Variants in STXBP5L observed in about 807,000 individuals in gnomAD.
STXBP5L encodes the protein syntaxin-binding protein 5-like.
A neutral mutation model predicts 144.5 loss-of-function variants in STXBP5L; 65 were observed. That is an observed-to-expected ratio of 0.45 (90% confidence interval 0.37 to 0.55). The LOEUF is 0.55. STXBP5L is among the 20% of genes least tolerant of loss of function. The pLI, the probability that STXBP5L is intolerant of heterozygous loss-of-function variation, is 0.00. For missense variants in STXBP5L, 1,298 were observed against 1,405.5 expected, an observed-to-expected ratio of 0.92 and a Z score of 1.22; for synonymous variants, 505 against 469.6, an observed-to-expected ratio of 1.08 and a Z score of -0.97.
intron 3 of STXBP5L, among the ~76,000 whole-genome samples, chr3:120,995,315 T>G (rs1294185677): frequency 1.3e-5 from 2 of 152,038 alleles, no homozygotes; most frequent in African/African-American, 4.8e-5. Context: ...GCCTGGCTAA[T>G]TTTTTTATTT....
Position 121,359,963 on chromosome 3 carries a change from T to C in STXBP5L, c.2177-18753T>C, listed in dbSNP as rs546242684. On this transcript the variant is annotated intron_variant, in intron 20 of 26. Transcript: ENST00000471454. The stretch of plus-strand genomic sequence containing the variant: ...TTGACTATTCTGAGTCTTTTGTGGT[T>C]ATACATATATAATATAATATATATA... 2.0e-5 allele frequency among the ~76,000 whole-genome samples: 3 copies of C among 147,070 alleles called. No individual in the cohort carries two copies. In the Admixed American group the frequency reaches 2.1e-4, roughly 10 times the overall value.
intron 5 of STXBP5L, among the ~76,000 whole-genome samples, chr3:121,084,018 C>A (rs2042374472): frequency 6.6e-6 from 1 of 151,832 alleles, no homozygotes; most frequent in Admixed American, 6.6e-5. Flanking sequence ...TTTTATGTAA[C>A]TTTTCAAGGA....
In STXBP5L at chr3:121,235,000, A is replaced by ATT. The variant is rs1182141083; in HGVS notation, c.1184+1313_1184+1314insTT. Among the ~76,000 whole-genome samples, 7 of 151,090 alleles carry ATT rather than the reference A, an allele frequency of 4.6e-5. No individual in the cohort carries two copies. In the South Asian group the frequency reaches 8.4e-4, roughly 18 times the overall value. ...CCCACTTTCTTCAGTATATATATATATATTTTTTTATTTAAATTTTGTTTT... is the reference window on the plus strand; with the variant it reads ...CCCACTTTCTTCAGTATATATATATATTTATTTTTTTATTTAAATTTTGTTTT... On this transcript the variant is annotated intron_variant, in intron 12 of 26. Transcript: ENST00000471454.
At chr3:120,986,632 C>T (rs141949515) in intron 3 of STXBP5L, among the ~76,000 whole-genome samples, 2 of 151,894 alleles carry the variant, frequency 1.3e-5, no homozygotes, top group African/African-American at 4.8e-5. Context: ...ATTTAAAGTA[C>T]ATTTTGTCTA....
At chr3:121,266,273 A>G (rs914973903) in intron 18 of STXBP5L, among the ~76,000 whole-genome samples, 1 of 152,214 alleles carries the variant, frequency 6.6e-6, no homozygotes, top group Non-Finnish European at 1.5e-5. Flanking sequence ...CAAAAAGCTT[A>G]TCCACCACGA....
chr3:121,148,054 G>C (rs1005174367), intron 7 of STXBP5L, among the ~76,000 whole-genome samples: 1 of 151,960 alleles, frequency 6.6e-6, no homozygotes, highest in Non-Finnish European at 1.5e-5. Flanking sequence ...CTTGGGACTT[G>C]TCAGCCTTCA....
chr3:121,085,092 A>G (rs1047034171), intron 5 of STXBP5L, among the ~76,000 whole-genome samples: 18 of 152,084 alleles, frequency 1.2e-4, no homozygotes, highest in South Asian at 4.2e-4. Flanking sequence ...ATTTGTTTAC[A>G]TTCCTTATAG....
intron 20 of STXBP5L, among the ~76,000 whole-genome samples, chr3:121,351,839 C>A (rs970078093): frequency 6.6e-6 from 1 of 152,146 alleles, no homozygotes. Flanking sequence ...AGTCTTTAAT[C>A]TATCTTGAAT....
At chr3:121,382,503 G>C (rs1035491332) in intron 22 of STXBP5L, among the ~76,000 whole-genome samples, 1 of 152,002 alleles carries the variant, frequency 6.6e-6, no homozygotes, top group African/African-American at 2.4e-5. Flanking sequence ...TGGTGAGTTA[G>C]TTGGAGTCAA....
chr3:121,205,232 A>C (rs2048292498), intron 9 of STXBP5L, among the ~76,000 whole-genome samples: 1 of 152,198 alleles, frequency 6.6e-6, no homozygotes, highest in Non-Finnish European at 1.5e-5. Context: ...TATTTGGCTT[A>C]TGATTCTGGA....
At chr3:121,025,101 T>C (rs1318113712) in intron 3 of STXBP5L, among the ~76,000 whole-genome samples, 2 of 152,156 alleles carry the variant, frequency 1.3e-5, no homozygotes, top group Non-Finnish European at 2.9e-5. Flanking sequence ...TTATGACTCT[T>C]AGGTAACCAC....
chr3:121,349,290 C>A (rs13087300), intron 20 of STXBP5L, among the ~76,000 whole-genome samples: 72,169 of 151,758 alleles, frequency 0.48, 17,740 homozygotes, highest in East Asian at 0.71. Context: ...CTTAATCCTG[C>A]GTTCTAGTTT....
intron 19 of STXBP5L, among the ~76,000 whole-genome samples, chr3:121,309,150 C>T (rs567509117): frequency 6.6e-6 from 1 of 151,904 alleles, no homozygotes; most frequent in East Asian, 1.9e-4. Context: ...TGTAACCCAA[C>T]TATATCAATA....
chr3:120,958,723 C>G (rs890247571), intron 3 of STXBP5L, among the ~76,000 whole-genome samples: 1 of 152,154 alleles, frequency 6.6e-6, no homozygotes, highest in African/African-American at 2.4e-5. Flanking sequence ...GCTAAAAACT[C>G]TCAATAAATT....
At chr3:121,193,639 G>A (rs1484047937) in intron 9 of STXBP5L, among the ~76,000 whole-genome samples, 1 of 152,176 alleles carries the variant, frequency 6.6e-6, no homozygotes, top group African/African-American at 2.4e-5. Flanking sequence ...ATACTATGCA[G>A]CCATAAAAAA....
chr3:121,109,309 C>T (rs377453282), intron 5 of STXBP5L, among the ~76,000 whole-genome samples: 1 of 150,698 alleles, frequency 6.6e-6, no homozygotes, highest in African/African-American at 2.4e-5. Flanking sequence ...GTTCTCTAGT[C>T]GTGATATTAT....
chr3:121,203,745 C>A (rs1041030506), intron 9 of STXBP5L, among the ~76,000 whole-genome samples: 1 of 152,112 alleles, frequency 6.6e-6, no homozygotes, highest in Admixed American at 6.6e-5. Context: ...ATTAAAAATG[C>A]TTTAATATGT....
chr3:121,344,563 T>C (rs1280968609), intron 20 of STXBP5L, among the ~76,000 whole-genome samples: 1 of 152,046 alleles, frequency 6.6e-6, no homozygotes, highest in African/African-American at 2.4e-5. Context: ...AAACTAAAGT[T>C]AAGCAATGGT....
rs372325193 is a variant in STXBP5L at position 120,963,106 on chromosome 3, G to A, written c.287+8069G>A. On this transcript the variant is annotated intron_variant, in intron 3 of 26. Transcript: ENST00000471454. Reference sequence around the variant, plus strand: ...GTTAATGGTGTATAAGAATGCTTTTGATTTTTGCAGATTTATTTTGTATCC... The same window carrying A: ...GTTAATGGTGTATAAGAATGCTTTTAATTTTTGCAGATTTATTTTGTATCC... Among the ~76,000 whole-genome samples, 11 of 152,274 alleles carry A rather than the reference G, an allele frequency of 7.2e-5. No homozygotes were observed. In the East Asian group the frequency reaches 2.1e-3, roughly 29 times the overall value.
Sources: allele counts gnomAD v4.1 joint callset (sites outside exome capture counted in the v4.1 genomes callset), GRCh38; gene constraint gnomAD v4.1.1; transcripts MANE v1.5; gene names NCBI Gene and HGNC (gene_info 2026-07-23, HGNC 2026-07-21).